COL17A1: variants seen among roughly 807,000 people sequenced by gnomAD.
The protein encoded by COL17A1 is collagen alpha-1(XVII) chain.
A neutral mutation model predicts 218.4 loss-of-function variants in COL17A1; 181 were observed. The ratio of observed to expected loss-of-function variants is 0.83; its 90% confidence interval spans 0.73 to 0.94. COL17A1 has a LOEUF of 0.94. Among genes scored for constraint, COL17A1 ranks in the 40% least tolerant of loss-of-function variants. The pLI is 0.00. For synonymous variants in COL17A1, 721 were observed against 731.0 expected (o/e 0.99, Z 0.22); for missense variants, 1,924 against 1,945.9 (o/e 0.99, Z 0.21).
rs200676060 is a variant in COL17A1 at position 104,061,392 on chromosome 10, G to A, written c.979+13C>T. ...CACCAGCCTGAACCCTGGCAGCTGG[G>A]AGCAGCACTCACCGGCGGAGGTGGA... On this transcript the variant is annotated intron_variant, in intron 13 of 55. Transcript: ENST00000648076. 439 of 1,612,630 alleles carry A rather than the reference G, an allele frequency of 2.7e-4. 1 individual carries two copies. The highest frequency in any genetic ancestry group is 6.0e-4 in the Admixed American group (36 of 60,014).
chr10:104,046,155 C>A (rs2086407606), intron 32 of COL17A1, among the ~76,000 whole-genome samples: 1 of 152,202 alleles, frequency 6.6e-6, no homozygotes, highest in African/African-American at 2.4e-5. Context: ...GCAGCATCAC[C>A]CTCTTGCCTT....
At chr10:104,051,403 A>T in intron 25 of COL17A1, 78 bp downstream of exon 25, 1 of 1,560,986 alleles carries the variant, frequency 6.4e-7, no homozygotes, top group Non-Finnish European at 8.8e-7. Flanking sequence ...TTTGGCTTTA[A>T]AAATATTTGG....
At chr10:104,033,498 G>T in intron 52 of COL17A1, 123 bp from the exon 53 acceptor site, 3 of 1,191,380 alleles carry the variant, frequency 2.5e-6, no homozygotes, top group Non-Finnish European at 3.6e-6. Context: ...GCCGCAGCAA[G>T]GGTGAAGCCC....
chr10:104,041,369 C>T, intron 37 of COL17A1, 25 bp from the exon 38 acceptor site: 1 of 1,608,556 alleles, frequency 6.2e-7, no homozygotes, highest in East Asian at 2.2e-5. Flanking sequence ...AAGGAAGAGG[C>T]CATGCTGAGC....
At chr10:104,071,622 C>T (rs969049838) in intron 8 of COL17A1, among the ~76,000 whole-genome samples, 1 of 152,130 alleles carries the variant, frequency 6.6e-6, no homozygotes, top group Non-Finnish European at 1.5e-5. Flanking sequence ...CCTTCGATGC[C>T]TCATGCAGGC....
At chr10:104,051,263 G>A (rs2086466416) in intron 25 of COL17A1, among the ~76,000 whole-genome samples, 1 of 152,162 alleles carries the variant, frequency 6.6e-6, no homozygotes, top group South Asian at 2.1e-4. Context: ...GCTGCTGGAG[G>A]GTCTCAAGCC....
At chr10:104,060,311 G>A in intron 13 of COL17A1, 31 bp from the exon 14 acceptor site, 2 of 1,613,040 alleles carry the variant, frequency 1.2e-6, no homozygotes, top group South Asian at 1.1e-5. Context: ...TAAGAAGGAA[G>A]GACATGTGCC....
In COL17A1 at chr10:104,038,517, T is replaced by G. The variant is rs762241330; in HGVS notation, c.2959A>C (p.Ser987Arg). 1.2e-6 allele frequency: 2 copies of G among 1,612,826 alleles called. No homozygotes were observed. Among genetic ancestry groups the G allele is most frequent in the South Asian group, 1.1e-5 (1 of 91,086 alleles). ...GGCGGGCCTGACACGTACATGGTAC[T>G]TGATGATCCCCCTGCAGCAAAGAGA... ...PSGPSEGGSSSTMYVSGPPGP... is the reference protein window; with the variant it reads ...PSGPSEGGSSRTMYVSGPPGP... The change falls in exon 45 of 56, where the codon AGT becomes CGT. Residue 987 changes from serine (S) to arginine (R), a missense_variant. Transcript: ENST00000648076.
intron 11 of COL17A1, chr10:104,063,474 A>G (rs988806335): frequency 1.4e-5 from 7 of 497,612 alleles, no homozygotes; most frequent in Admixed American, 1.2e-4. Context: ...TGATTCCGTT[A>G]GACCCTTCAT....
chr10:104,032,015 C>G lies in COL17A1; in HGVS notation c.*220G>C. 1 of 606,196 alleles carries G rather than the reference C, an allele frequency of 1.6e-6. No homozygotes were observed. Among genetic ancestry groups the G allele is most frequent in the Non-Finnish European group, 2.9e-6 (1 of 339,842 alleles). The allele number at this position is 606,196 out of a possible 1,614,324, so 37.6% of individuals were successfully genotyped here. A position where few individuals can be genotyped will look rare whatever the true frequency, so the allele number is the denominator to read the frequency against. The stretch of plus-strand genomic sequence containing the variant: ...GTCTCATTCTAAAACATTGCAACTA[C>G]TGTTAGAGTCCACCCCATGAAGCTG... On this transcript the variant is annotated 3_prime_UTR_variant, in exon 56 of 56. Transcript: ENST00000648076.
At position 104,032,736 on chromosome 10, in the gene COL17A1, C is replaced by G. The variant is rs140178947; in HGVS notation, c.4376G>C (p.Gly1459Ala). 1.1e-5 allele frequency: 18 copies of G among 1,614,040 alleles called. No homozygotes were observed. In the African/African-American group the frequency reaches 1.2e-4, roughly 11 times the overall value. Residue 1459 changes from glycine (G) to alanine (A), a missense_variant, in exon 55 of 56, where the codon GGG becomes GCG. Gly to Ala is a moderately conservative substitution (Grantham distance 60, BLOSUM62 0). Transcript: ENST00000648076. The stretch of plus-strand genomic sequence containing the variant: ...AGGTGGCCCAGGATGACCTGGTGGC[C>G]CAGCAGGGCCCCTGTCACCTGGAAG... ...PGPKGDRGPA[G>A]PPGHPGPPGP...
Position 104,039,622 on chromosome 10 carries a change from C to A in COL17A1, c.2807G>T (p.Gly936Val), listed in dbSNP as rs781643595. 4 of 1,614,038 alleles carry A rather than the reference C, an allele frequency of 2.5e-6. No individual in the cohort carries two copies. The change falls in exon 42 of 56, where the codon GGT becomes GTT. Residue 936 changes from glycine (G) to valine (V), a missense_variant. Physicochemically the swap from Gly to Val is moderately radical, Grantham distance 109. Transcript: ENST00000648076. ...TCAGCCCTTACCTGAGGTTGAGAAA[C>A]CTGGGAGGCCTTGCTCGCCTGAGGA... ...RGHQGEQGLP[G>V]FSTSGSSSFG...
intron 8 of COL17A1, 43 bp downstream of exon 8, chr10:104,071,989 G>T: frequency 6.2e-7 from 1 of 1,613,804 alleles, no homozygotes. Context: ...ACTAGCCCTG[G>T]ATTTCTGGAC....
At chr10:104,039,204 T>C in intron 43 of COL17A1, 83 bp from the exon 44 acceptor site, 1 of 1,389,688 alleles carries the variant, frequency 7.2e-7, no homozygotes, top group Non-Finnish European at 1.0e-6. Context: ...TTAGTGTGTG[T>C]CTCAACAATC....
chr10:104,055,293 A>G, intron 19 of COL17A1, 79 bp downstream of exon 19: 1 of 1,605,978 alleles, frequency 6.2e-7, no homozygotes, highest in Non-Finnish European at 8.5e-7. Flanking sequence ...AACAAAGAAA[A>G]AGGCTTCTAA....
chr10:104,037,590 C>A, intron 46 of COL17A1, 46 bp downstream of exon 46: 1 of 1,612,786 alleles, frequency 6.2e-7, no homozygotes, highest in South Asian at 1.1e-5. Context: ...CAAAAGCAGA[C>A]CCACAGGAGG....
intron 44 of COL17A1, 27 bp downstream of exon 44, chr10:104,039,044 G>A (rs774994612): frequency 6.2e-7 from 1 of 1,611,374 alleles, no homozygotes; most frequent in East Asian, 2.2e-5. Flanking sequence ...GAAGTGGAGA[G>A]GAACTTTGGT....
chr10:104,037,168 T>G (rs1265749766), intron 46 of COL17A1, 55 bp from the exon 47 acceptor site: 28 of 1,501,076 alleles, frequency 1.9e-5, no homozygotes, highest in Non-Finnish European at 2.4e-5. Context: ...AGCAACACCC[T>G]CACTATTCCA....
chr10:104,048,648 T>G (rs2086437309), intron 29 of COL17A1, among the ~76,000 whole-genome samples: 1 of 152,192 alleles, frequency 6.6e-6, no homozygotes, highest in South Asian at 2.1e-4. Context: ...CTCACAGCAC[T>G]CTGTACCTTG....
Sources: allele counts gnomAD v4.1 joint callset (sites outside exome capture counted in the v4.1 genomes callset), GRCh38; gene constraint gnomAD v4.1.1; transcripts MANE v1.5; gene names NCBI Gene and HGNC (gene_info 2026-07-23, HGNC 2026-07-21).